EFL1: variants seen among roughly 807,000 people sequenced by gnomAD.
EFL1 encodes the protein elongation factor like GTPase 1.
In EFL1, 76 loss-of-function variants were observed where a neutral mutation model predicts 126.7. That is an observed-to-expected ratio of 0.60 (90% CI 0.50 to 0.73). The LOEUF is 0.73. Ranked by LOEUF, EFL1 falls within the 30% of genes least tolerant of loss-of-function variation. EFL1 has a pLI of 0.00. For synonymous variants in EFL1, 410 were observed against 448.4 expected, an observed-to-expected ratio of 0.91 and a Z score of 1.08; for missense variants, 1,128 against 1,343.2, an observed-to-expected ratio of 0.84 and a Z score of 2.50.
chr15:82,206,494 C>T (rs1305506794), intron 15 of EFL1, among the ~76,000 whole-genome samples: 1 of 152,064 alleles, frequency 6.6e-6, no homozygotes, highest in Non-Finnish European at 1.5e-5. Flanking sequence ...GTTACTTAAT[C>T]TTTGTGTCAA....
At chr15:82,165,538 T>C (rs2074070147) in intron 15 of EFL1, among the ~76,000 whole-genome samples, 1 of 152,102 alleles carries the variant, frequency 6.6e-6, no homozygotes, top group Admixed American at 6.6e-5. Flanking sequence ...CCATCTAACA[T>C]CCACCTGAAT....
intron 7 of EFL1, among the ~76,000 whole-genome samples, chr15:82,235,410 A>T (rs976629049): frequency 6.6e-6 from 1 of 152,192 alleles, no homozygotes; most frequent in Non-Finnish European, 1.5e-5. Context: ...AAAAACTGAC[A>T]TGAAATAAAC....
At chr15:82,203,894 T>A (rs2074497846) in intron 15 of EFL1, among the ~76,000 whole-genome samples, 1 of 152,230 alleles carries the variant, frequency 6.6e-6, no homozygotes, top group Non-Finnish European at 1.5e-5. Context: ...AGTGCTACTA[T>A]AAATATCCTT....
chr15:82,135,288 T>C (rs2073708542), intron 19 of EFL1, among the ~76,000 whole-genome samples: 1 of 152,096 alleles, frequency 6.6e-6, no homozygotes, highest in South Asian at 2.1e-4. Flanking sequence ...ATGTATAAGA[T>C]CAATTTTAAG....
chr15:82,237,939 A>G (rs1274974848), intron 7 of EFL1, among the ~76,000 whole-genome samples: 1 of 152,170 alleles, frequency 6.6e-6, no homozygotes, highest in African/African-American at 2.4e-5. Context: ...TTTTGGTTCC[A>G]TTTCTATAAC....
intron 17 of EFL1, among the ~76,000 whole-genome samples, chr15:82,153,168 C>T (rs970335119): frequency 3.9e-5 from 6 of 152,184 alleles, no homozygotes; most frequent in Non-Finnish European, 8.8e-5. Flanking sequence ...AGCTACTCTT[C>T]TGGACATCAT....
chr15:82,245,920 G>T (rs1270822232), intron 4 of EFL1, among the ~76,000 whole-genome samples: 1 of 149,166 alleles, frequency 6.7e-6, no homozygotes, highest in Non-Finnish European at 1.5e-5. Context: ...GTGATAGAAT[G>T]AGACTCTTGT....
rs563383015 is a variant in EFL1 at position 82,239,493 on chromosome 15, T to G, written c.516+925A>C. 2.0e-5 allele frequency among the ~76,000 whole-genome samples: 3 copies of G among 152,316 alleles called. No individual in the cohort carries two copies. In the South Asian group the frequency reaches 6.2e-4, roughly 32 times the overall value. Reference sequence around the variant, plus strand: ...CATCCATCATTCTTTTTCACTGTTCTACTTTTATTGTTTCCTGCCTTTAAC... The same window carrying G: ...CATCCATCATTCTTTTTCACTGTTCGACTTTTATTGTTTCCTGCCTTTAAC... On this transcript the variant is annotated intron_variant, in intron 6 of 19. Coordinates refer to ENST00000268206, the MANE Select transcript of EFL1 (RefSeq NM_024580.6).
intron 15 of EFL1, among the ~76,000 whole-genome samples, chr15:82,211,839 C>T (rs868663207): frequency 6.6e-5 from 10 of 152,246 alleles, no homozygotes; most frequent in South Asian, 2.1e-4. Flanking sequence ...AATGGGTTAT[C>T]AATCAACCCA....
At chr15:82,142,281 G>A (rs1189410855) in intron 18 of EFL1, among the ~76,000 whole-genome samples, 1 of 152,142 alleles carries the variant, frequency 6.6e-6, no homozygotes, top group African/African-American at 2.4e-5. Flanking sequence ...GAGGTGGGAG[G>A]AACGCTTGAG....
At chr15:82,153,756 T>C (rs768809339) in intron 17 of EFL1, among the ~76,000 whole-genome samples, 2 of 152,216 alleles carry the variant, frequency 1.3e-5, no homozygotes, top group Non-Finnish European at 2.9e-5. Context: ...AATTAATTTG[T>C]ATTAGATCTG....
intron 7 of EFL1, among the ~76,000 whole-genome samples, chr15:82,232,555 T>G (rs1455553144): frequency 6.6e-6 from 1 of 152,214 alleles, no homozygotes; most frequent in African/African-American, 2.4e-5. Context: ...TGATAATTGA[T>G]AGTTAATCTC....
intron 6 of EFL1, among the ~76,000 whole-genome samples, chr15:82,238,726 G>A (rs1354455782): frequency 6.6e-6 from 1 of 152,084 alleles, no homozygotes; most frequent in East Asian, 1.9e-4. Flanking sequence ...AAATTATAAG[G>A]TTTTTGGAAG....
intron 15 of EFL1, among the ~76,000 whole-genome samples, chr15:82,193,054 T>C (rs1477855361): frequency 6.6e-6 from 1 of 152,180 alleles, no homozygotes; most frequent in Non-Finnish European, 1.5e-5. Flanking sequence ...CTTTTGAAAT[T>C]CAAATGAGTG....
At chr15:82,228,904 A>T in intron 9 of EFL1, 130 bp downstream of exon 9, 1 of 746,740 alleles carries the variant, frequency 1.3e-6, no homozygotes, top group Non-Finnish European at 2.1e-6. Flanking sequence ...CCCTGTAATC[A>T]ACTCATCTGT....
At chr15:82,231,643 C>G (rs2074823304) in intron 7 of EFL1, among the ~76,000 whole-genome samples, 1 of 151,480 alleles carries the variant, frequency 6.6e-6, no homozygotes, top group Non-Finnish European at 1.5e-5. Flanking sequence ...GTACCAGCAT[C>G]TTAAAAGATG....
At chr15:82,254,181 A>C (rs1420914437) in intron 3 of EFL1, among the ~76,000 whole-genome samples, 1 of 152,202 alleles carries the variant, frequency 6.6e-6, no homozygotes, top group East Asian at 1.9e-4. Flanking sequence ...TCTTGATTCC[A>C]GTGCAGCATG....
intron 15 of EFL1, among the ~76,000 whole-genome samples, chr15:82,214,268 A>G (rs1285709520): frequency 6.6e-6 from 1 of 152,246 alleles, no homozygotes; most frequent in Non-Finnish European, 1.5e-5. Context: ...TACAGATATA[A>G]ACGACGATCA....
At chr15:82,190,222 A>T (rs1428229946) in intron 15 of EFL1, among the ~76,000 whole-genome samples, 1 of 151,942 alleles carries the variant, frequency 6.6e-6, no homozygotes, top group African/African-American at 2.4e-5. Flanking sequence ...TCTGTTCCTC[A>T]CTGCGTTGTT....
Sources: allele counts gnomAD v4.1 joint callset (sites outside exome capture counted in the v4.1 genomes callset), GRCh38; gene constraint gnomAD v4.1.1; transcripts MANE v1.5; gene names NCBI Gene and HGNC (gene_info 2026-07-23, HGNC 2026-07-21).